The following OVCH2 variants were observed in gnomAD, a reference collection of about 807,000 sequenced individuals.
The protein encoded by OVCH2 is ovochymase-2.
In OVCH2, 88 loss-of-function variants were observed where a neutral mutation model predicts 73.7. The observed-to-expected ratio is 1.19, with a 90% confidence interval of 1.01 to 1.43. The LOEUF (loss-of-function observed/expected upper bound fraction) is 1.43, where lower values mean the gene tolerates loss of function less well. Ranked by LOEUF, OVCH2 falls within the 40% of genes most tolerant of loss-of-function variation. The pLI is 0.00. For synonymous variants in OVCH2, 265 were observed against 234.5 expected, an observed-to-expected ratio of 1.13 and a Z score of -1.19; for missense variants, 706 against 674.5, an observed-to-expected ratio of 1.05 and a Z score of -0.52.
intron 3 of OVCH2, among the ~76,000 whole-genome samples, chr11:7,702,676 T>C (rs1464800254): frequency 6.6e-6 from 1 of 152,202 alleles, no homozygotes; most frequent in Non-Finnish European, 1.5e-5. Context: ...TGACCTGACC[T>C]AATATCAGTG....
At chr11:7,689,826 T>G (rs1444954727) in intron 15 of OVCH2, 98 bp downstream of exon 15, 1 of 767,838 alleles carries the variant, frequency 1.3e-6, no homozygotes, top group Non-Finnish European at 2.2e-6. Flanking sequence ...CTCTAGTATA[T>G]TTTGGAGGAA....
chr11:7,699,936 T>TG (rs1248029403), intron 7 of OVCH2: 1 of 171,072 alleles, frequency 5.8e-6, no homozygotes, highest in Non-Finnish European at 1.2e-5. Context: ...TATAGTTTGC[T>TG]GGATTTTTTT....
chr11:7,704,580 ACC>A lies in OVCH2; in HGVS notation c.181_182del (p.Gly61PhefsTer50), dbSNP rs1856499529. 6.2e-7 allele frequency: 1 copy of A among 1,609,516 alleles called. No individual in the cohort carries two copies. Among genetic ancestry groups the A allele is most frequent in the Admixed American group, 1.7e-5 (1 of 59,774 alleles). ...RILGGSQVEK[G>X]SYPWQVSLKQ... The stretch of plus-strand genomic sequence containing the variant: ...TGAGACTCACCTGCCAGGGATAGGA[ACC>A]CTTCTCCACTTGGCTTCCTCCAAGA... On this transcript the variant is annotated frameshift_variant, in exon 2 of 16. Coordinates refer to ENST00000533663, the MANE Select transcript of OVCH2 (RefSeq NM_198185.7). LOFTEE classifies it high-confidence loss of function.
rs374120909 is a variant in OVCH2, at chr11:7,696,811, A to G, written c.926-12T>C. 3 of 1,598,954 alleles carry G rather than the reference A, an allele frequency of 1.9e-6. No homozygotes were observed. In the African/African-American group the frequency reaches 4.0e-5, roughly 21 times the overall value. On this transcript the variant is annotated splice_polypyrimidine_tract_variant and intron_variant, in intron 8 of 15. Coordinates refer to ENST00000533663, the MANE Select transcript of OVCH2 (RefSeq NM_198185.7). ...CTCACTGCACCAGGCTGGGAGGGAA[A>G]GCCAGGAGAGTCAGGGTTAGTTATG...
downstream of OVCH2, among the ~76,000 whole-genome samples, chr11:7,686,218 G>A (rs1292161650): frequency 6.6e-6 from 1 of 152,188 alleles, no homozygotes; most frequent in East Asian, 1.9e-4. Context: ...TCTGGCTGGG[G>A]ACTATTACTG....
At chr11:7,686,110 C>A (rs934211189), downstream of OVCH2, among the ~76,000 whole-genome samples, 1 of 152,224 alleles carries the variant, frequency 6.6e-6, no homozygotes, top group Non-Finnish European at 1.5e-5. Context: ...GAGATACTTA[C>A]ACCGAATATA....
chr11:7,688,323 T>C (rs1437970661), downstream of OVCH2, among the ~76,000 whole-genome samples: 1 of 152,162 alleles, frequency 6.6e-6, no homozygotes, highest in Non-Finnish European at 1.5e-5. Context: ...AGGCACACAT[T>C]AAATTCATCT....
At chr11:7,700,517 C>T in intron 6 of OVCH2, 32 bp from the exon 7 acceptor site, 1 of 1,562,912 alleles carries the variant, frequency 6.4e-7, no homozygotes, top group East Asian at 2.4e-5. Context: ...ATTAGCATCA[C>T]TGTCAGTGTC....
Position 7,696,755 on chromosome 11 carries a change from T to C in OVCH2, c.970A>G (p.Lys324Glu), listed in dbSNP as rs771297306. 7 of 1,612,622 alleles carry C rather than the reference T, an allele frequency of 4.3e-6. No homozygotes were observed. The South Asian group carries it at 5.5e-5, about 13-fold the overall frequency. ...TGGAGGCTTTCTGGGAAGTGCAGCT[T>C]CCCCTCAGCCCCGCTGACTATGACA... ...QDVIVSGAEG[K>E]LHFPESLHLY... Residue 324 changes from lysine to glutamate, a missense_variant, in exon 9 of 16, where the codon AAG becomes GAG. Physicochemically the swap from Lys to Glu is moderately conservative, Grantham distance 56 (BLOSUM62 1). Transcript: ENST00000533663.
chr11:7,703,379 G>A (rs1856478913), intron 3 of OVCH2, among the ~76,000 whole-genome samples: 1 of 152,044 alleles, frequency 6.6e-6, no homozygotes, highest in Non-Finnish European at 1.5e-5. Context: ...TTTTTTCACT[G>A]AAATTTAAGA....
downstream of OVCH2, among the ~76,000 whole-genome samples, chr11:7,687,031 G>A (rs147342924): frequency 5.1e-4 from 77 of 152,172 alleles, no homozygotes; most frequent in African/African-American, 1.8e-3. Flanking sequence ...TGATGCAAAG[G>A]TGGGGATTCT....
rs1195999816 is a variant in OVCH2 at position 7,695,050 on chromosome 11, G to A, written c.1413+8C>T. 2 of 1,548,810 alleles carry A rather than the reference G, an allele frequency of 1.3e-6. No individual in the cohort carries two copies. The highest frequency in any genetic ancestry group is 2.7e-5 in the African/African-American group (2 of 72,794). On this transcript the variant is annotated splice_region_variant and intron_variant, in intron 12 of 15. Coordinates refer to ENST00000533663, the MANE Select transcript of OVCH2 (RefSeq NM_198185.7). Reference sequence around the variant, plus strand: ...CCATAGCTACGTAAGGACAGCCAAAGTCAATACCTTAATTAGGTGATGTTT... The same window carrying A: ...CCATAGCTACGTAAGGACAGCCAAAATCAATACCTTAATTAGGTGATGTTT...
chr11:7,697,743 A>G (rs1856364258), intron 8 of OVCH2, among the ~76,000 whole-genome samples: 1 of 151,982 alleles, frequency 6.6e-6, no homozygotes, highest in South Asian at 2.1e-4. Context: ...CATTCTGTGG[A>G]TATTGCCTTG....
intron 7 of OVCH2, 196 bp from the exon 8 acceptor site, chr11:7,698,969 C>T (rs1856385223): frequency 1.8e-6 from 1 of 543,188 alleles, no homozygotes; most frequent in Admixed American, 3.4e-5. Context: ...TGATTTAATT[C>T]TCTTTATTAA....
At chr11:7,696,399 G>T in intron 10 of OVCH2, 66 bp downstream of exon 10, 1 of 1,589,138 alleles carries the variant, frequency 6.3e-7, no homozygotes, top group Non-Finnish European at 8.6e-7. Flanking sequence ...CCAGACATAA[G>T]ATAACTAGGC....
At chr11:7,697,280 G>A (rs1323123968) in intron 8 of OVCH2, among the ~76,000 whole-genome samples, 5 of 152,156 alleles carry the variant, frequency 3.3e-5, no homozygotes, top group African/African-American at 1.2e-4. Flanking sequence ...GGACTCAAGC[G>A]ATCCTCCCAC....
At chr11:7,685,737 A>G (rs12295163), downstream of OVCH2, among the ~76,000 whole-genome samples, 41,729 of 151,884 alleles carry the variant, frequency 0.27, 7,575 homozygotes, top group African/African-American at 0.52. Context: ...TCTTCAATGA[A>G]GCTGGGATGC....
At chr11:7,691,131 G>T in intron 14 of OVCH2, 138 bp downstream of exon 14, 2 of 1,088,348 alleles carry the variant, frequency 1.8e-6, no homozygotes, top group Non-Finnish European at 2.7e-6. Context: ...CTTATTCAGT[G>T]TCCATGGTGA....
At position 7,695,129 on chromosome 11, in the gene OVCH2, A is replaced by T. The variant is rs914452303; in HGVS notation, c.1342T>A (p.Tyr448Asn). Residue 448 changes from tyrosine (Y) to asparagine (N), a missense_variant, in exon 12 of 16, where the codon TAT becomes AAT. By Grantham distance (143) the Tyr-to-Asn change is moderately radical. Coordinates refer to ENST00000533663, the MANE Select transcript of OVCH2 (RefSeq NM_198185.7). ...FEEGLIQSLN[Y>N]PENYSDKANC... ...GCCTTGTCACTGTAGTTTTCAGGATAGTTTAGACTCTGTATGAGACCTTCT... is the reference window on the plus strand; with the variant it reads ...GCCTTGTCACTGTAGTTTTCAGGATTGTTTAGACTCTGTATGAGACCTTCT... 4 of 1,555,188 alleles carry T rather than the reference A, an allele frequency of 2.6e-6. No individual in the cohort carries two copies. The Middle Eastern group carries it at 5.0e-4, about 195-fold the overall frequency.
Sources: gnomAD v4.1 joint callset for allele counts (sites outside exome capture counted in the v4.1 genomes callset) on GRCh38, gnomAD v4.1.1 for gene constraint, MANE v1.5 for transcripts, NCBI Gene and HGNC (gene_info 2026-07-23, HGNC 2026-07-21) for gene names.